The following ANAPC10 variants were observed in gnomAD, a reference collection of about 807,000 sequenced individuals.
The protein encoded by ANAPC10 is anaphase-promoting complex subunit 10.
In ANAPC10, 12 loss-of-function variants were observed where a neutral mutation model predicts 22.0. The ratio of observed to expected loss-of-function variants is 0.55; its 90% CI spans 0.35 to 0.88. The LOEUF is 0.88. Ranked by LOEUF, ANAPC10 falls within the 40% of genes least tolerant of loss-of-function variation. The pLI, the probability that ANAPC10 is intolerant of heterozygous loss-of-function variation, is 0.01. For synonymous variants in ANAPC10, 65 were observed against 69.5 expected (o/e 0.94, Z 0.32); for missense variants, 188 against 220.9 (o/e 0.85, Z 0.94).
chr4:145,026,664 G>T (rs767683041), intron 4 of ANAPC10, among the ~76,000 whole-genome samples: 11 of 151,016 alleles, frequency 7.3e-5, no homozygotes, highest in Non-Finnish European at 1.5e-4. Flanking sequence ...GGATCTCCTG[G>T]TATGTAAGAA....
intron 2 of ANAPC10, among the ~76,000 whole-genome samples, chr4:145,094,850 AAAG>A (rs1170475713): frequency 6.6e-6 from 1 of 152,200 alleles, no homozygotes; most frequent in Admixed American, 6.5e-5. Context: ...CAACATGGCA[AAAG>A]AAGATAGTGA....
intron 4 of ANAPC10, chr4:145,035,396 AG>A (rs1223639242): frequency 3.9e-5 from 6 of 152,232 alleles, no homozygotes; most frequent in Non-Finnish European, 5.9e-5. Context: ...AAAGAGAGGC[AG>A]CAGCCATTTT....
intron 4 of ANAPC10, among the ~76,000 whole-genome samples, chr4:145,034,143 G>A (rs1578979287): frequency 6.6e-6 from 1 of 152,070 alleles, no homozygotes; most frequent in Admixed American, 6.6e-5. Context: ...GTAGACTTGC[G>A]ATGGTTAATA....
intron 2 of ANAPC10, among the ~76,000 whole-genome samples, chr4:145,094,374 T>G (rs1449357343): frequency 6.6e-6 from 1 of 152,200 alleles, no homozygotes; most frequent in Non-Finnish European, 1.5e-5. Context: ...CTTTGTGGGA[T>G]GATGGCAATG....
chr4:145,046,576 A>G (rs1421763769), intron 4 of ANAPC10, among the ~76,000 whole-genome samples: 1 of 152,120 alleles, frequency 6.6e-6, no homozygotes. Flanking sequence ...AATACTAGGA[A>G]GCTTAAAATT....
intron 4 of ANAPC10, among the ~76,000 whole-genome samples, chr4:145,055,768 G>A (rs1374894455): frequency 6.6e-6 from 1 of 152,030 alleles, no homozygotes; most frequent in Non-Finnish European, 1.5e-5. Flanking sequence ...GGGGGAAACT[G>A]GGAGTTGTTA....
At chr4:145,006,514 T>A (rs1733392752) in intron 4 of ANAPC10, among the ~76,000 whole-genome samples, 1 of 152,238 alleles carries the variant, frequency 6.6e-6, no homozygotes, top group South Asian at 2.1e-4. Context: ...AAGACCTAGA[T>A]TTGAATTTCA....
At chr4:144,996,190 G>C (rs757011429) in intron 4 of ANAPC10, among the ~76,000 whole-genome samples, 61 of 150,382 alleles carry the variant, frequency 4.1e-4, no homozygotes, top group Non-Finnish European at 6.7e-4. Context: ...ATATCCCCAC[G>C]GCTCTACACT....
chr4:145,047,068 C>G (rs1051901730), intron 4 of ANAPC10, among the ~76,000 whole-genome samples: 1 of 152,082 alleles, frequency 6.6e-6, no homozygotes, highest in Non-Finnish European at 1.5e-5. Context: ...CTAATTTTCA[C>G]AACCACCCAA....
At chr4:145,077,655 C>CA (rs936183573) in intron 3 of ANAPC10, among the ~76,000 whole-genome samples, 3 of 151,936 alleles carry the variant, frequency 2.0e-5, no homozygotes, top group South Asian at 2.1e-4. Flanking sequence ...AGCAGCACAT[C>CA]AAAAAAAGGC....
chr4:145,064,586 G>T lies in ANAPC10; in HGVS notation c.313C>A (p.Leu105Ile). The change falls in exon 4 of 5, where the codon CTT becomes ATT. Residue 105 changes from leucine to isoleucine, a missense_variant. Physicochemically the swap from Leu to Ile is conservative, Grantham distance 5. Coordinates refer to ENST00000507656, the MANE Select transcript of ANAPC10 (RefSeq NM_001256706.2). ...SVRVGNNFHNLQEIRQLELVE... is the reference protein window; with the variant it reads ...SVRVGNNFHNIQEIRQLELVE... The stretch of plus-strand genomic sequence containing the variant: ...GAAAGACATACCCGAATTTCTTGAA[G>T]GTTGTGAAAATTATTTCCTACTCTG... 1 of 1,604,578 alleles carries T rather than the reference G, an allele frequency of 6.2e-7. No homozygotes were observed. The highest frequency in any genetic ancestry group is 8.5e-7 in the Non-Finnish European group (1 of 1,175,890).
At chr4:145,058,800 C>G (rs1742448206) in intron 4 of ANAPC10, among the ~76,000 whole-genome samples, 1 of 151,972 alleles carries the variant, frequency 6.6e-6, no homozygotes, top group Non-Finnish European at 1.5e-5. Context: ...GCATAGTTAC[C>G]TCAACTCCAT....
chr4:145,050,543 T>C (rs534914466), intron 4 of ANAPC10, among the ~76,000 whole-genome samples: 1 of 152,326 alleles, frequency 6.6e-6, no homozygotes, highest in East Asian at 1.9e-4. Context: ...TCCTCTCTAA[T>C]CTTAGCTGGC....
Position 144,995,358 on chromosome 4 carries a change from C to G in ANAPC10, c.*15G>C, listed in dbSNP as rs17019822. The G allele has an allele frequency of 3.3e-6, 5 of 1,500,678 alleles. No individual in the cohort carries two copies. The highest frequency in any genetic ancestry group is 3.7e-6 in the Non-Finnish European group (4 of 1,083,728). 93.0% of individuals were successfully genotyped at this position (1,500,678 alleles called of 1,614,324 possible). ...AAACAAAGATACGTTTAATGATTTT[C>G]GTCTCATTTTAAAGTCACCTTATTG... On this transcript the variant is annotated 3_prime_UTR_variant, in exon 5 of 5. Transcript: ENST00000507656.
intron 4 of ANAPC10, among the ~76,000 whole-genome samples, chr4:145,053,235 G>A (rs1741393882): frequency 1.3e-5 from 2 of 152,118 alleles, no homozygotes; most frequent in African/African-American, 4.8e-5. Context: ...AGCTACTCAG[G>A]AAACATGTTA....
intron 4 of ANAPC10, among the ~76,000 whole-genome samples, chr4:145,034,523 T>TTATATATATA (rs370113295): frequency 0.011 from 1,000 of 91,642 alleles, 11 homozygotes; most frequent in South Asian, 0.024. Flanking sequence ...AAACTCTCCT[T>TTATATATATA]TATATATATA....
chr4:145,059,519 A>G (rs1298022235), intron 4 of ANAPC10, among the ~76,000 whole-genome samples: 1 of 152,090 alleles, frequency 6.6e-6, no homozygotes, highest in Non-Finnish European at 1.5e-5. Flanking sequence ...GTGCTCTATC[A>G]ATATTTTATC....
At chr4:145,096,848 T>C (rs1223020004) in intron 1 of ANAPC10, among the ~76,000 whole-genome samples, 4 of 151,074 alleles carry the variant, frequency 2.6e-5, no homozygotes, top group Non-Finnish European at 4.4e-5. Flanking sequence ...ATCACCCCAC[T>C]AAGATCCTCA....
chr4:145,050,960 C>T (rs954343918), intron 4 of ANAPC10, among the ~76,000 whole-genome samples: 4 of 152,112 alleles, frequency 2.6e-5, no homozygotes, highest in Non-Finnish European at 4.4e-5. Context: ...GTTTAATTTC[C>T]GTCAGGAACT....
Sources: gnomAD v4.1 joint callset for allele counts (sites outside exome capture counted in the v4.1 genomes callset) on GRCh38, gnomAD v4.1.1 for gene constraint, MANE v1.5 for transcripts, NCBI Gene and HGNC (gene_info 2026-07-23, HGNC 2026-07-21) for gene names.